The following CEP128 variants were observed in gnomAD, a reference collection of about 807,000 sequenced individuals.
The protein encoded by CEP128 is centrosomal protein 128, also known as centrosomal protein 128kDa.
A neutral mutation model predicts 156.7 loss-of-function variants in CEP128; 132 were observed. The observed-to-expected ratio is 0.84, with a 90% CI of 0.73 to 0.97. CEP128 has a LOEUF of 0.97. Ranked by LOEUF, CEP128 falls within the 50% of genes least tolerant of loss-of-function variation. The pLI is 0.00. For missense variants in CEP128, 1,252 were observed against 1,281.9 expected, an observed-to-expected ratio of 0.98 and a Z score of 0.36; for synonymous variants, 469 against 448.9, an observed-to-expected ratio of 1.04 and a Z score of -0.57.
At chr14:80,869,544 A>G (rs1209475899) in intron 8 of CEP128, among the ~76,000 whole-genome samples, 2 of 152,054 alleles carry the variant, frequency 1.3e-5, no homozygotes, top group Non-Finnish European at 2.9e-5. Context: ...AAACTAAAAA[A>G]CAAAATTAAA....
chr14:80,644,525 CA>C (rs1894556641), intron 19 of CEP128, among the ~76,000 whole-genome samples: 1 of 151,982 alleles, frequency 6.6e-6, no homozygotes, highest in Non-Finnish European at 1.5e-5. Flanking sequence ...TCTGTTATTT[CA>C]AAAAGAAGAT....
At chr14:80,884,196 A>G (rs1423111556) in intron 8 of CEP128, among the ~76,000 whole-genome samples, 1 of 152,236 alleles carries the variant, frequency 6.6e-6, no homozygotes, top group African/African-American at 2.4e-5. Flanking sequence ...TAATCCAAAA[A>G]GCACAGGCAG....
chr14:80,587,542 C>A (rs1891871266), intron 19 of CEP128, among the ~76,000 whole-genome samples: 1 of 152,160 alleles, frequency 6.6e-6, no homozygotes. Context: ...CCACTTGCCA[C>A]AAAACTGTCA....
chr14:80,589,858 T>A (rs1038144804), intron 19 of CEP128, among the ~76,000 whole-genome samples: 3 of 152,148 alleles, frequency 2.0e-5, no homozygotes, highest in African/African-American at 7.2e-5. Flanking sequence ...AGAAACTAGT[T>A]AATAACTCTC....
At chr14:80,880,440 T>TCC (rs1673702033) in intron 8 of CEP128, among the ~76,000 whole-genome samples, 1 of 152,024 alleles carries the variant, frequency 6.6e-6, no homozygotes, top group South Asian at 2.1e-4. Flanking sequence ...GCCCCCTCCT[T>TCC]CTATTCAACA....
chr14:80,478,842 A>T (rs34806974), intron 14 of CEP128, among the ~76,000 whole-genome samples: 35,783 of 152,188 alleles, frequency 0.24, 5,378 homozygotes, highest in Admixed American at 0.36. Context: ...TAAATATTTG[A>T]TAAATTAATG....
At chr14:80,814,866 G>A (rs1884759482) in intron 13 of CEP128, among the ~76,000 whole-genome samples, 1 of 152,204 alleles carries the variant, frequency 6.6e-6, no homozygotes, top group African/African-American at 2.4e-5. Flanking sequence ...AGACCAACCT[G>A]ACCAACATGG....
At chr14:80,897,596 T>C (rs140300096) in intron 7 of CEP128, among the ~76,000 whole-genome samples, 31 of 147,742 alleles carry the variant, frequency 2.1e-4, no homozygotes, top group African/African-American at 6.8e-4. Flanking sequence ...GTTATTCAAA[T>C]TGAAAATCTT....
intron 20 of CEP128, among the ~76,000 whole-genome samples, chr14:80,562,686 G>A (rs556407780): frequency 3.5e-5 from 5 of 142,250 alleles, no homozygotes; most frequent in African/African-American, 5.2e-5. Flanking sequence ...TTGGAGACAG[G>A]GTCTCCCTCT....
chr14:80,926,752 T>C lies in CEP128; in HGVS notation c.-15-10190A>G, dbSNP rs528130685. The stretch of plus-strand genomic sequence containing the variant: ...CTGGAAGCAAACCAGCACAGCCCAT[T>C]ACAATATCTGCAGGCACATCACAGT... On this transcript the variant is annotated intron_variant, in intron 2 of 24. Coordinates refer to ENST00000555265, the MANE Select transcript of CEP128 (RefSeq NM_152446.5). Among the ~76,000 whole-genome samples the C allele has an allele frequency of 3.9e-4, 60 of 152,272 alleles. 1 individual carries two copies. Among genetic ancestry groups the C allele is most frequent in the South Asian group, 2.5e-3 (12 of 4,822 alleles).
chr14:80,850,326 A>G (rs1416511433), intron 9 of CEP128, among the ~76,000 whole-genome samples: 1 of 152,198 alleles, frequency 6.6e-6, no homozygotes, highest in African/African-American at 2.4e-5. Context: ...GAGAGTATAC[A>G]CACTATAAAT....
chr14:80,873,056 G>A (rs1343912353), intron 8 of CEP128, among the ~76,000 whole-genome samples: 1 of 152,230 alleles, frequency 6.6e-6, no homozygotes, highest in Non-Finnish European at 1.5e-5. Context: ...ACAACTTGAT[G>A]TAAGGAACTG....
rs1249994990 is a variant in CEP128, at chr14:80,761,538, G to T, written c.2452C>A (p.Leu818Ile). ...EARLQLKDQL[L>I]CLETEQESIL... ...GATTCCTGTTCAGTCTCCAAGCAAA[G>T]AAGTTGATCCTTGAGCTGCAATCTG... Residue 818 changes from leucine (L) to isoleucine (I), a missense_variant, in exon 17 of 25, where the codon CTT becomes ATT. Coordinates refer to ENST00000555265, the MANE Select transcript of CEP128 (RefSeq NM_152446.5). 4 of 1,612,642 alleles carry T rather than the reference G, an allele frequency of 2.5e-6. No individual in the cohort carries two copies. In the African/African-American group the frequency reaches 4.0e-5, roughly 16 times the overall value.
chr14:80,612,605 T>C (rs1893037700), intron 19 of CEP128, among the ~76,000 whole-genome samples: 1 of 152,186 alleles, frequency 6.6e-6, no homozygotes, highest in Non-Finnish European at 1.5e-5. Flanking sequence ...CTACACATCT[T>C]GGTAACTGAA....
chr14:80,804,117 T>A (rs1242871510), intron 13 of CEP128, among the ~76,000 whole-genome samples: 1 of 151,674 alleles, frequency 6.6e-6, no homozygotes, highest in African/African-American at 2.4e-5. Flanking sequence ...AGAATAATTT[T>A]AAAATTTTAA....
chr14:80,664,465 C>T (rs1351406887), intron 19 of CEP128, among the ~76,000 whole-genome samples: 4 of 149,832 alleles, frequency 2.7e-5, no homozygotes, highest in Non-Finnish European at 4.4e-5. Flanking sequence ...AAAAAGAGGT[C>T]ACAAAGCAGA....
intron 18 of CEP128, among the ~76,000 whole-genome samples, chr14:80,744,027 T>A (rs1898972929): frequency 6.6e-6 from 1 of 151,916 alleles, no homozygotes; most frequent in Middle Eastern, 3.4e-3. Flanking sequence ...CACACCACCA[T>A]GTCTGGCTAA....
rs192051554 is a variant in CEP128, at chr14:80,664,232, A to G, written c.2806+78843T>C. The stretch of plus-strand genomic sequence containing the variant: ...CCTAAAAAAGATGGTGAGGGCCTCA[A>G]GAAAAGAAAAGAAGGCCTCAAGGCC... On this transcript the variant is annotated intron_variant, in intron 19 of 24. Transcript: ENST00000555265. Among the ~76,000 whole-genome samples, 447 of 152,292 alleles carry G rather than the reference A, an allele frequency of 2.9e-3. 1 individual carries two copies. Among genetic ancestry groups the G allele is most frequent in the African/African-American group, 0.01 (427 of 41,566 alleles).
At chr14:80,663,665 G>A (rs1895492455) in intron 19 of CEP128, among the ~76,000 whole-genome samples, 1 of 152,174 alleles carries the variant, frequency 6.6e-6, no homozygotes, top group Admixed American at 6.5e-5. Flanking sequence ...GTTATACATA[G>A]ACTATTGCAC....
Sources: allele counts gnomAD v4.1 joint callset (sites outside exome capture counted in the v4.1 genomes callset), GRCh38; gene constraint gnomAD v4.1.1; transcripts MANE v1.5; gene names NCBI Gene and HGNC (gene_info 2026-07-23, HGNC 2026-07-21).